The following UGT1A8 variants were observed in gnomAD, a reference collection of about 807,000 sequenced individuals.
UGT1A8 encodes UDP-glucuronosyltransferase 1A8.
UGT1A8 carries 39 observed loss-of-function variants against 45.3 expected under a neutral mutation model. That is an observed-to-expected ratio of 0.86 (90% CI 0.67 to 1.12). The LOEUF is 1.12. Ranked by LOEUF, UGT1A8 falls within the 50% of genes most tolerant of loss-of-function variation. The pLI, the probability that UGT1A8 is intolerant of heterozygous loss-of-function variation, is 0.00. For missense variants in UGT1A8, 719 were observed against 664.9 expected, an observed-to-expected ratio of 1.08 and a Z score of -0.90; for synonymous variants, 275 against 249.2, an observed-to-expected ratio of 1.10 and a Z score of -0.97.
chr2:233,755,430 C>T (rs1467633549), intron 1 of UGT1A8: 1 of 318,494 alleles, frequency 3.1e-6, no homozygotes, highest in African/African-American at 2.2e-5. Flanking sequence ...GCCTCGCATC[C>T]CAAGATGCAG....
chr2:233,653,289 C>T (rs2073783153), intron 1 of UGT1A8, among the ~76,000 whole-genome samples: 1 of 152,112 alleles, frequency 6.6e-6, no homozygotes, highest in Non-Finnish European at 1.5e-5. Flanking sequence ...CCACTTTACA[C>T]CATAAAATAG....
At chr2:233,628,554 T>C (rs1185196394) in intron 1 of UGT1A8, among the ~76,000 whole-genome samples, 5 of 152,254 alleles carry the variant, frequency 3.3e-5, no homozygotes, top group African/African-American at 1.2e-4. Context: ...TTATTGTCTG[T>C]GAATGAGACC....
rs116846522 is a variant in UGT1A8, at chr2:233,652,746, G to A, written c.855+34184G>A. Reference sequence around the variant, plus strand: ...AAGAATAATCTCTTCAACAGAGGTCGCTGAGACAGCTGCATATCCACATGC... The same window carrying A: ...AAGAATAATCTCTTCAACAGAGGTCACTGAGACAGCTGCATATCCACATGC... On this transcript the variant is annotated intron_variant, in intron 1 of 4. Coordinates refer to ENST00000373450, the MANE Select transcript of UGT1A8 (RefSeq NM_019076.5). 4.6e-3 allele frequency among the ~76,000 whole-genome samples: 706 copies of A among 152,252 alleles called. 17 individuals are homozygous for A. In the East Asian group the frequency reaches 0.071, roughly 15 times the overall value.
chr2:233,736,812 A>G (rs2078811468), intron 1 of UGT1A8, among the ~76,000 whole-genome samples: 1 of 152,062 alleles, frequency 6.6e-6, no homozygotes, highest in South Asian at 2.1e-4. Context: ...CTGGAGGTCC[A>G]CTCCAGATGC....
chr2:233,744,974 C>T (rs1446449011), intron 1 of UGT1A8, among the ~76,000 whole-genome samples: 1 of 151,828 alleles, frequency 6.6e-6, no homozygotes. Flanking sequence ...CTTCTTTAAG[C>T]CTCTAGTCAT....
chr2:233,767,747 C>CTG lies in UGT1A8; in HGVS notation c.988-100_988-99dup, dbSNP rs35331289. ...ACTGATCCTCCCACTCTGTTAAAGA[C>CTG]TGTTCCTTCAGAGGACCCCTGTTTT... is the stretch of plus-strand genomic sequence containing the variant. On this transcript the variant is annotated intron_variant, in intron 2 of 4. Coordinates refer to ENST00000373450, the MANE Select transcript of UGT1A8 (RefSeq NM_019076.5). 3.9e-3 allele frequency: 6,206 copies of CTG among 1,591,080 alleles called. 210 individuals are homozygous for CTG. In the African/African-American group the frequency reaches 0.073, roughly 19 times the overall value.
Position 233,719,499 on chromosome 2 carries a change from T to C in UGT1A8, c.856-47535T>C, listed in dbSNP as rs761613256. The C allele has an allele frequency of 9.3e-6, 15 of 1,613,718 alleles. No homozygotes were observed. Among genetic ancestry groups the C allele is most frequent in the Non-Finnish European group, 8.5e-6 (10 of 1,179,804 alleles). Reference sequence around the variant, plus strand: ...GGCCCTGTCCTACATTTGCCATACTTTTTCTGCCCCTTATGCAAGTCTTGC... The same window carrying C: ...GGCCCTGTCCTACATTTGCCATACTCTTTCTGCCCCTTATGCAAGTCTTGC... On this transcript the variant is annotated intron_variant, in intron 1 of 4. Transcript: ENST00000373450.
intron 1 of UGT1A8, among the ~76,000 whole-genome samples, chr2:233,687,548 T>A (rs1178051446): frequency 8.0e-6 from 1 of 124,724 alleles, no homozygotes; most frequent in Non-Finnish European, 1.6e-5. Context: ...CTCAAGTAAG[T>A]GGGGGAGCCA....
intron 1 of UGT1A8, among the ~76,000 whole-genome samples, chr2:233,641,031 T>C (rs1444718102): frequency 6.6e-6 from 1 of 152,134 alleles, no homozygotes; most frequent in Middle Eastern, 3.2e-3. Context: ...CCTCAGCTGA[T>C]AGAAAAATGC....
chr2:233,681,332 G>A (rs1575426838), intron 1 of UGT1A8, among the ~76,000 whole-genome samples: 1 of 151,776 alleles, frequency 6.6e-6, no homozygotes, highest in African/African-American at 2.4e-5. Context: ...TCAGGAGTTC[G>A]AGACCAGCCT....
At chr2:233,659,652 G>C (rs974010241) in intron 1 of UGT1A8, among the ~76,000 whole-genome samples, 3 of 152,064 alleles carry the variant, frequency 2.0e-5, no homozygotes, top group African/African-American at 7.2e-5. Flanking sequence ...AGGAGAGGCA[G>C]GCGCACTCGA....
At chr2:233,743,679 C>T (rs773832305) in intron 1 of UGT1A8, 13 of 1,367,098 alleles carry the variant, frequency 9.5e-6, no homozygotes, top group African/African-American at 5.9e-5. Flanking sequence ...AAGGGCCTGC[C>T]GCCTGTGCAG....
At chr2:233,760,948 T>G (rs746225571) in intron 1 of UGT1A8, 7 of 1,614,204 alleles carry the variant, frequency 4.3e-6, no homozygotes, top group Non-Finnish European at 5.9e-6. Flanking sequence ...TTCACAGAAC[T>G]TTCTGTGCGA....
intron 1 of UGT1A8, among the ~76,000 whole-genome samples, chr2:233,716,580 T>G (rs997790116): frequency 6.6e-6 from 1 of 152,228 alleles, no homozygotes; most frequent in Non-Finnish European, 1.5e-5. Flanking sequence ...AACAATACTT[T>G]CAAAGAGCAA....
chr2:233,772,112 C>T (rs1700461982), intron 4 of UGT1A8, 150 bp from the exon 5 acceptor site: 2 of 1,527,992 alleles, frequency 1.3e-6, no homozygotes, highest in Non-Finnish European at 1.8e-6. Flanking sequence ...GACTCTGTAT[C>T]TAAAAACAAC....
intron 1 of UGT1A8, chr2:233,713,168 G>A (rs773495849): frequency 1.2e-6 from 2 of 1,614,212 alleles, no homozygotes; most frequent in South Asian, 2.2e-5. Flanking sequence ...ACCAGGTGGT[G>A]GTCCTCACCC....
chr2:233,683,245 GT>G (rs555678771), intron 1 of UGT1A8, among the ~76,000 whole-genome samples: 1 of 151,912 alleles, frequency 6.6e-6, no homozygotes, highest in Non-Finnish European at 1.5e-5. Context: ...TGCTGGCTAT[GT>G]TTTTTTATGT....
chr2:233,683,338 A>T (rs2074629044), intron 1 of UGT1A8, among the ~76,000 whole-genome samples: 1 of 152,170 alleles, frequency 6.6e-6, no homozygotes, highest in Admixed American at 6.5e-5. Flanking sequence ...TAATAATTGC[A>T]TGGTAGTCTT....
At chr2:233,764,092 C>T (rs973147823) in intron 1 of UGT1A8, among the ~76,000 whole-genome samples, 2 of 152,148 alleles carry the variant, frequency 1.3e-5, no homozygotes, top group African/African-American at 4.8e-5. Context: ...AAAGCCTAAA[C>T]TAAAAATACA....
Sources: allele counts gnomAD v4.1 joint callset (sites outside exome capture counted in the v4.1 genomes callset), GRCh38; gene constraint gnomAD v4.1.1; transcripts MANE v1.5; gene names NCBI Gene and HGNC (gene_info 2026-07-23, HGNC 2026-07-21).